Variants in MAPK4 observed in about 807,000 individuals in gnomAD.
MAPK4 encodes the protein mitogen-activated protein kinase 4, also known as Erk3-related.
MAPK4 carries 22 observed loss-of-function variants against 47.7 expected under a neutral mutation model. The ratio of observed to expected loss-of-function variants is 0.46; its 90% confidence interval spans 0.33 to 0.66. The LOEUF is 0.66. Among genes scored for constraint, MAPK4 ranks in the 30% least tolerant of loss-of-function variants. The pLI, the probability that MAPK4 is intolerant of heterozygous loss-of-function variation, is 0.02. For missense variants in MAPK4, 736 were observed against 831.7 expected (o/e 0.88, Z 1.42); for synonymous variants, 390 against 365.7 (o/e 1.07, Z -0.76).
intron 1 of MAPK4, among the ~76,000 whole-genome samples, chr18:50,660,376 T>A (rs1457322065): frequency 1.3e-5 from 2 of 152,174 alleles, no homozygotes; most frequent in African/African-American, 4.8e-5. Flanking sequence ...TGTTGTGAGA[T>A]GCGCCCTTTG....
chr18:50,676,709 G>A (rs2045493752), intron 2 of MAPK4, among the ~76,000 whole-genome samples: 1 of 152,168 alleles, frequency 6.6e-6, no homozygotes, highest in South Asian at 2.1e-4. Flanking sequence ...GCTAGGGTGT[G>A]CTTAGGTAAA....
intron 1 of MAPK4, among the ~76,000 whole-genome samples, chr18:50,565,494 G>T (rs1247047514): frequency 6.6e-6 from 1 of 152,144 alleles, no homozygotes; most frequent in African/African-American, 2.4e-5. Flanking sequence ...TTTTCTTTTG[G>T]AATACCTGAG....
chr18:50,660,415 G>A (rs879914962), intron 1 of MAPK4, among the ~76,000 whole-genome samples: 1 of 152,208 alleles, frequency 6.6e-6, no homozygotes, highest in African/African-American at 2.4e-5. Context: ...TATCACAAGG[G>A]ACAGTGACCA....
chr18:50,602,218 C>T (rs1372111091), intron 1 of MAPK4, among the ~76,000 whole-genome samples: 1 of 152,154 alleles, frequency 6.6e-6, no homozygotes, highest in East Asian at 1.9e-4. Context: ...ATCGTAGGTC[C>T]CAATAAACCC....
rs183927445 is a variant in MAPK4 at position 50,630,291 on chromosome 18, C to T, written c.-870-32798C>T. 2.2e-4 allele frequency among the ~76,000 whole-genome samples: 34 copies of T among 152,304 alleles called. 1 individual carries two copies. Among genetic ancestry groups the T allele is most frequent in the African/African-American group, 5.1e-4 (21 of 41,566 alleles). On this transcript the variant is annotated intron_variant, in intron 1 of 5. Transcript: ENST00000400384. ...GCAACCTCCGCCTCCTAGGTTCAAG[C>T]GATTCTCATGCCTCAGCTTCCTGAG...
chr18:50,584,691 T>C (rs1375118701), intron 1 of MAPK4, among the ~76,000 whole-genome samples: 1 of 152,192 alleles, frequency 6.6e-6, no homozygotes, highest in African/African-American at 2.4e-5. Context: ...GACAGAAGAA[T>C]CTTGACTGTA....
chr18:50,563,639 G>A (rs560041692), intron 1 of MAPK4, among the ~76,000 whole-genome samples: 1 of 152,270 alleles, frequency 6.6e-6, no homozygotes, highest in Admixed American at 6.5e-5. Context: ...GGCCAAGAAT[G>A]TGACTTTTTT....
At chr18:50,629,194 G>A (rs1374417519) in intron 1 of MAPK4, among the ~76,000 whole-genome samples, 1 of 152,218 alleles carries the variant, frequency 6.6e-6, no homozygotes, top group Non-Finnish European at 1.5e-5. Context: ...TAGAAATTCT[G>A]AGAGCAGAAA....
intron 1 of MAPK4, among the ~76,000 whole-genome samples, chr18:50,570,262 C>T (rs68004151): frequency 0.06 from 9,098 of 152,328 alleles, 356 homozygotes; most frequent in Non-Finnish European, 0.087. Flanking sequence ...ACTAACTGGA[C>T]ATAGCCACAT....
intron 4 of MAPK4, among the ~76,000 whole-genome samples, chr18:50,722,927 G>A (rs1204738867): frequency 6.6e-6 from 1 of 152,130 alleles, no homozygotes; most frequent in Non-Finnish European, 1.5e-5. Context: ...GGAATCCACT[G>A]GGCCAGAGGA....
intron 2 of MAPK4, among the ~76,000 whole-genome samples, chr18:50,674,496 C>T (rs1296712061): frequency 2.0e-5 from 3 of 152,126 alleles, no homozygotes; most frequent in African/African-American, 4.8e-5. Context: ...CCCTTATCCT[C>T]GCCTCATCCG....
At chr18:50,633,415 G>T (rs1218585974) in intron 1 of MAPK4, among the ~76,000 whole-genome samples, 13 of 152,176 alleles carry the variant, frequency 8.5e-5, no homozygotes. Context: ...GTTTGAAGAG[G>T]TCCCACATCC....
chr18:50,729,392 G>A lies in MAPK4; in HGVS notation c.1302G>A (p.Ser434=), dbSNP rs1156555800. 2 of 1,564,372 alleles carry A rather than the reference G, an allele frequency of 1.3e-6. No homozygotes were observed. The highest frequency in any genetic ancestry group is 8.6e-7 in the Non-Finnish European group (1 of 1,157,828). The change falls in exon 6 of 6, where the codon TCG becomes TCA. Residue 434 remains serine (S), a synonymous_variant. Transcript: ENST00000400384. ...GCTCCTGCGACTACAAGGTGGGGTC[G>A]CCGTCCTACCTGGACAAGCTGCTGT... The part of the protein sequence containing the change: ...YGRSCDYKVG[S]PSYLDKLLWR...
intron 1 of MAPK4, among the ~76,000 whole-genome samples, chr18:50,584,532 C>T (rs537224528): frequency 1.3e-5 from 2 of 152,326 alleles, no homozygotes; most frequent in Non-Finnish European, 2.9e-5. Context: ...TTGAACTCTG[C>T]ATGATGTATG....
chr18:50,580,774 A>G (rs897471332), intron 1 of MAPK4, among the ~76,000 whole-genome samples: 1 of 152,188 alleles, frequency 6.6e-6, no homozygotes, highest in African/African-American at 2.4e-5. Flanking sequence ...AATAATGTCA[A>G]TTGTGTGAGT....
At chr18:50,635,616 C>G (rs1388861307) in intron 1 of MAPK4, among the ~76,000 whole-genome samples, 1 of 152,244 alleles carries the variant, frequency 6.6e-6, no homozygotes, top group African/African-American at 2.4e-5. Context: ...CAGTGACTTT[C>G]TGTTGTTAGG....
chr18:50,699,145 GA>G (rs1228678677), intron 2 of MAPK4, among the ~76,000 whole-genome samples: 1 of 151,926 alleles, frequency 6.6e-6, no homozygotes, highest in Non-Finnish European at 1.5e-5. Flanking sequence ...AACAAAGGAG[GA>G]AAAAAAGACC....
intron 1 of MAPK4, among the ~76,000 whole-genome samples, chr18:50,584,742 A>G (rs1295781148): frequency 1.3e-5 from 2 of 152,262 alleles, no homozygotes; most frequent in Non-Finnish European, 2.9e-5. Context: ...TTTATCTTTA[A>G]TAATCACTGA....
At position 50,618,454 on chromosome 18, in the gene MAPK4, A is replaced by G. The variant is rs184433565; in HGVS notation, c.-870-44635A>G. On this transcript the variant is annotated intron_variant, in intron 1 of 5. Transcript: ENST00000400384. Reference sequence around the variant, plus strand: ...TACAGGCTAAGTTCTATGTCTCTTCATACATTTCTGTATCAACACAGCTTT... The same window carrying G: ...TACAGGCTAAGTTCTATGTCTCTTCGTACATTTCTGTATCAACACAGCTTT... 1.1e-4 allele frequency among the ~76,000 whole-genome samples: 17 copies of G among 152,348 alleles called. No homozygotes were observed. The East Asian group carries it at 3.1e-3, about 28-fold the overall frequency.
Sources: gnomAD v4.1 joint callset for allele counts (sites outside exome capture counted in the v4.1 genomes callset) on GRCh38, gnomAD v4.1.1 for gene constraint, MANE v1.5 for transcripts, NCBI Gene and HGNC (gene_info 2026-07-23, HGNC 2026-07-21) for gene names.